SDK1: variants seen among roughly 807,000 people sequenced by gnomAD.
The protein encoded by SDK1 is protein sidekick-1.
SDK1 carries 157 observed loss-of-function variants against 245.5 expected under a neutral mutation model. The observed-to-expected ratio is 0.64, with a 90% CI of 0.56 to 0.73. The LOEUF (loss-of-function observed/expected upper bound fraction) is 0.73, where lower values mean the gene tolerates loss of function less well. Among genes scored for constraint, SDK1 ranks in the 30% least tolerant of loss-of-function variants. The pLI, the probability that SDK1 is intolerant of heterozygous loss-of-function variation, is 0.00. For synonymous variants in SDK1, 1,647 were observed against 1,278.5 expected (o/e 1.29, Z -6.15); for missense variants, 3,583 against 3,002.3 (o/e 1.19, Z -4.52).
Position 3,389,545 on chromosome 7 carries a change from G to A in SDK1, c.298+87661G>A, listed in dbSNP as rs118064117. On this transcript the variant is annotated intron_variant, in intron 1 of 44. Coordinates refer to ENST00000404826, the MANE Select transcript of SDK1 (RefSeq NM_152744.4). ...GGACTTCTGGCCTCTAGGACTGTAAGATAATAAAGGTATGTTATTTTAAGC... is the reference window on the plus strand; with the variant it reads ...GGACTTCTGGCCTCTAGGACTGTAAAATAATAAAGGTATGTTATTTTAAGC... 2.9e-4 allele frequency among the ~76,000 whole-genome samples: 44 copies of A among 152,284 alleles called. 2 individuals are homozygous for A. In the East Asian group the frequency reaches 8.5e-3, roughly 29 times the overall value.
intron 19 of SDK1, 139 bp downstream of exon 19, chr7:4,051,969 A>G (rs1283779437): frequency 1.5e-6 from 1 of 677,366 alleles, no homozygotes; most frequent in Non-Finnish European, 2.5e-6. Context: ...CAGCTCACCT[A>G]GGGAGATCAG....
chr7:3,689,810 T>A (rs899743117), intron 4 of SDK1, among the ~76,000 whole-genome samples: 8 of 152,312 alleles, frequency 5.3e-5, no homozygotes, highest in African/African-American at 1.9e-4. Flanking sequence ...TAATTCTAAA[T>A]TATTTTGAGT....
Position 3,394,049 on chromosome 7 carries a change from G to A in SDK1, c.298+92165G>A, listed in dbSNP as rs558117060. 5.3e-5 allele frequency among the ~76,000 whole-genome samples: 8 copies of A among 152,228 alleles called. No individual in the cohort carries two copies. In the South Asian group the frequency reaches 1.7e-3, roughly 32 times the overall value. On this transcript the variant is annotated intron_variant, in intron 1 of 44. Transcript: ENST00000404826. ...ATATCTGCATTAGGGGGCACCCTAA[G>A]GCCAGTAACACTGGTTCTTGCAGAC...
chr7:3,506,096 C>G (rs535551121), intron 1 of SDK1, among the ~76,000 whole-genome samples: 1 of 151,976 alleles, frequency 6.6e-6, no homozygotes, highest in Admixed American at 6.6e-5. Context: ...TTTGTAGATG[C>G]AAGTTTTCAT....
chr7:3,756,478 ACTC>A (rs1220503954), intron 4 of SDK1, among the ~76,000 whole-genome samples: 4 of 150,900 alleles, frequency 2.7e-5, no homozygotes, highest in African/African-American at 9.8e-5. Context: ...TTTAAATCTG[ACTC>A]CTTTCACATG....
intron 1 of SDK1, among the ~76,000 whole-genome samples, chr7:3,604,373 C>T (rs1017357266): frequency 6.6e-6 from 1 of 151,968 alleles, no homozygotes; most frequent in Non-Finnish European, 1.5e-5. Flanking sequence ...TATTTTCTTC[C>T]TTAAATTTAT....
At chr7:4,035,224 A>G (rs541173987) in intron 17 of SDK1, among the ~76,000 whole-genome samples, 17 of 152,212 alleles carry the variant, frequency 1.1e-4, no homozygotes, top group African/African-American at 3.4e-4. Context: ...ACCTCAAGCA[A>G]TCCATCCACC....
intron 14 of SDK1, among the ~76,000 whole-genome samples, chr7:3,996,934 ATTGT>A (rs1562641256): frequency 6.6e-6 from 1 of 152,152 alleles, no homozygotes; most frequent in Non-Finnish European, 1.5e-5. Flanking sequence ...TGTAATATAG[ATTGT>A]TTTTTATTGA....
chr7:3,568,519 A>G (rs543704156), intron 1 of SDK1, among the ~76,000 whole-genome samples: 10 of 152,302 alleles, frequency 6.6e-5, no homozygotes, highest in African/African-American at 2.2e-4. Flanking sequence ...GTTTTTGTCA[A>G]ATTGAATTCC....
At chr7:3,920,724 G>C (rs1046159488) in intron 5 of SDK1, among the ~76,000 whole-genome samples, 1 of 151,990 alleles carries the variant, frequency 6.6e-6, no homozygotes, top group Non-Finnish European at 1.5e-5. Context: ...CCTCAGATAA[G>C]ATGACCCAGG....
chr7:4,246,683 G>C (rs1786882651), intron 44 of SDK1, among the ~76,000 whole-genome samples: 1 of 152,062 alleles, frequency 6.6e-6, no homozygotes, highest in Non-Finnish European at 1.5e-5. Context: ...TCATGTATCG[G>C]GCTCAGGGTG....
At chr7:3,594,766 C>A (rs1452161114) in intron 1 of SDK1, among the ~76,000 whole-genome samples, 1 of 152,100 alleles carries the variant, frequency 6.6e-6, no homozygotes, top group African/African-American at 2.4e-5. Context: ...AAATTGCTTA[C>A]TGTTTTAGAG....
intron 22 of SDK1, among the ~76,000 whole-genome samples, chr7:4,101,398 T>TCTTC (rs1782531747): frequency 6.6e-6 from 1 of 152,160 alleles, no homozygotes. Context: ...CCACCCGCCT[T>TCTTC]GGCCTCCCAA....
At chr7:3,484,162 C>T (rs915723070) in intron 1 of SDK1, among the ~76,000 whole-genome samples, 11 of 152,164 alleles carry the variant, frequency 7.2e-5, no homozygotes, top group African/African-American at 2.4e-5. Context: ...TCGAAGCATG[C>T]TCCAGTCCAC....
chr7:3,663,173 A>C (rs143642071), intron 4 of SDK1, among the ~76,000 whole-genome samples: 2 of 152,328 alleles, frequency 1.3e-5, no homozygotes, highest in African/African-American at 4.8e-5. Context: ...CATCTGTTAC[A>C]GTGGCAAAAG....
chr7:3,673,604 T>G (rs1783789414), intron 4 of SDK1, among the ~76,000 whole-genome samples: 1 of 152,228 alleles, frequency 6.6e-6, no homozygotes, highest in Non-Finnish European at 1.5e-5. Context: ...TTACCCCTTT[T>G]TATTTCTGTC....
intron 5 of SDK1, among the ~76,000 whole-genome samples, chr7:3,909,364 G>C (rs560073035): frequency 4.0e-4 from 61 of 152,334 alleles, no homozygotes; most frequent in African/African-American, 1.4e-3. Context: ...TGCAGGCACT[G>C]CTGTTGGCTC....
intron 22 of SDK1, among the ~76,000 whole-genome samples, chr7:4,087,476 C>CGT (rs1562790481): frequency 8.9e-6 from 1 of 112,508 alleles, no homozygotes; most frequent in African/African-American, 6.0e-5. Context: ...GACACACACG[C>CGT]GCGCACACAC....
chr7:3,544,367 C>G (rs1295056667), intron 1 of SDK1, among the ~76,000 whole-genome samples: 1 of 152,136 alleles, frequency 6.6e-6, no homozygotes, highest in Non-Finnish European at 1.5e-5. Flanking sequence ...CAGCCACAGA[C>G]CTCTAGCGAC....
Sources: allele counts gnomAD v4.1 joint callset (sites outside exome capture counted in the v4.1 genomes callset), GRCh38; gene constraint gnomAD v4.1.1; transcripts MANE v1.5; gene names NCBI Gene and HGNC (gene_info 2026-07-23, HGNC 2026-07-21).